The following GAGE10 variants were observed in gnomAD, a reference collection of about 807,000 sequenced individuals.
The protein encoded by GAGE10 is G antigen 10.
GAGE10 carries 9 observed loss-of-function variants against 11.5 expected under a neutral mutation model. The observed-to-expected ratio is 0.78, with a 90% CI of 0.47 to 1.37. GAGE10 has a LOEUF of 1.37. Ranked by LOEUF, GAGE10 falls within the 40% of genes most tolerant of loss-of-function variation. The pLI is 0.00. For missense variants in GAGE10, 83 were observed against 92.9 expected, an observed-to-expected ratio of 0.89 and a Z score of 0.44; for synonymous variants, 23 against 29.7, an observed-to-expected ratio of 0.77 and a Z score of 0.73.
rs138201153 is a variant in GAGE10 at position 49,311,951 on chromosome X, G to A, written c.203-5212G>A. On this transcript the variant is annotated intron_variant, in intron 3 of 4. Transcript: ENST00000407599. ...ACCTTAATGGAGCAAAGAGGACATCGTTGGCTGTCCAACTCTAGAATGCTA... is the reference window on the plus strand; with the variant it reads ...ACCTTAATGGAGCAAAGAGGACATCATTGGCTGTCCAACTCTAGAATGCTA... Among the ~76,000 whole-genome samples the A allele has an allele frequency of 4.9e-4, 55 of 112,625 alleles. 1 individual carries two copies. In the East Asian group the frequency reaches 0.012, roughly 24 times the overall value.
At chrX:49,310,132 C>T (rs2066371249) in intron 3 of GAGE10, among the ~76,000 whole-genome samples, 1 of 112,191 alleles carries the variant, frequency 8.9e-6, no homozygotes, top group Non-Finnish European at 1.9e-5. Context: ...AACCCCAAGG[C>T]TGCTGAAAAT....
chrX:49,316,588 C>G (rs5906780), intron 3 of GAGE10, among the ~76,000 whole-genome samples: 47,991 of 110,129 alleles, frequency 0.44, 8,990 homozygotes, highest in Non-Finnish European at 0.59. Context: ...ATTCCTTTTT[C>G]TGATCCGGAG....
intron 3 of GAGE10, among the ~76,000 whole-genome samples, chrX:49,307,093 T>G (rs1421064824): frequency 1.8e-5 from 2 of 112,062 alleles, no homozygotes; most frequent in Non-Finnish European, 1.9e-5. Context: ...TTTCAAGGCA[T>G]AACATTATGG....
At chrX:49,310,754 GC>G (rs782521648) in intron 3 of GAGE10, among the ~76,000 whole-genome samples, 62 of 107,471 alleles carry the variant, frequency 5.8e-4, no homozygotes, top group Admixed American at 3.2e-3. Flanking sequence ...CACCCGATTA[GC>G]CCCCCCCCAC....
intron 1 of GAGE10, among the ~76,000 whole-genome samples, 185 bp downstream of exon 1, chrX:49,303,938 C>T (rs1447108619): frequency 8.9e-6 from 1 of 111,760 alleles, no homozygotes; most frequent in Admixed American, 9.4e-5. Context: ...TTGAGGTCGT[C>T]CTCCTTCTCT....
At chrX:49,311,429 C>T (rs1430952028) in intron 3 of GAGE10, among the ~76,000 whole-genome samples, 5 of 111,503 alleles carry the variant, frequency 4.5e-5, no homozygotes, top group East Asian at 2.8e-4. Context: ...CCAAGGCCAG[C>T]GCAGGCTTGG....
intron 3 of GAGE10, among the ~76,000 whole-genome samples, chrX:49,306,731 G>T (rs782641433): frequency 3.5e-4 from 39 of 111,785 alleles, no homozygotes; most frequent in Non-Finnish European, 7.1e-4. Flanking sequence ...TGCTGTGCAC[G>T]CATAGTCCCA....
At chrX:49,317,705 C>A (rs185359648) in intron 4 of GAGE10, among the ~76,000 whole-genome samples, 92 of 111,552 alleles carry the variant, frequency 8.2e-4, no homozygotes, top group African/African-American at 2.9e-3. Context: ...TAAGAGAGTT[C>A]TTATATGAAG....
chrX:49,307,233 C>G (rs1172149055), intron 3 of GAGE10, among the ~76,000 whole-genome samples: 7 of 111,870 alleles, frequency 6.3e-5, no homozygotes, highest in Non-Finnish European at 9.4e-5. Context: ...CTCACACACA[C>G]ACACATACAG....
chrX:49,306,513 T>G (rs1217071369), intron 3 of GAGE10, among the ~76,000 whole-genome samples: 1 of 112,319 alleles, frequency 8.9e-6, no homozygotes, highest in Non-Finnish European at 1.9e-5. Flanking sequence ...TGTAAGATTT[T>G]CCATAGTCCT....
intron 3 of GAGE10, among the ~76,000 whole-genome samples, chrX:49,307,475 CT>C (rs60753797): frequency 1.6e-3 from 170 of 103,566 alleles, no homozygotes; most frequent in Middle Eastern, 9.9e-3. Flanking sequence ...TTCTTTTTTC[CT>C]TTTTTTTTTT....
At chrX:49,315,484 A>C (rs2066388690) in intron 3 of GAGE10, among the ~76,000 whole-genome samples, 2 of 111,890 alleles carry the variant, frequency 1.8e-5, no homozygotes, top group African/African-American at 6.5e-5. Context: ...ACTGCGTCAT[A>C]AGGTTGCAGG....
intron 3 of GAGE10, among the ~76,000 whole-genome samples, chrX:49,312,365 T>C (rs1557124810): frequency 2.7e-5 from 3 of 112,972 alleles, no homozygotes; most frequent in Admixed American, 9.3e-5. Context: ...ATTCAAGATA[T>C]GCTTTTGCAA....
At chrX:49,308,335 G>T (rs781942259) in intron 3 of GAGE10, among the ~76,000 whole-genome samples, 1 of 112,618 alleles carries the variant, frequency 8.9e-6, no homozygotes, top group South Asian at 3.7e-4. Context: ...TGGGACTAGA[G>T]CCCCACGGCC....
chrX:49,319,709 CG>C lies in GAGE10; in HGVS notation c.329-18del, dbSNP rs2066409368. 3 of 895,912 alleles carry C rather than the reference CG, an allele frequency of 3.3e-6. No individual in the cohort carries two copies. In the Admixed American group the frequency reaches 7.9e-5, roughly 24 times the overall value. 73.8% of individuals were successfully genotyped at this position (895,912 alleles called of 1,213,427 possible). A position where few individuals can be genotyped will look rare whatever the true frequency, so the allele number is the denominator to read the frequency against. ...TCTGTTGCTAAGTCATGTTCCCAAT[CG>C]TTGTGTTTCTGTTACAGGTGAAAAG... On this transcript the variant is annotated intron_variant, in intron 4 of 4. Transcript: ENST00000407599.
intron 1 of GAGE10, 84 bp from the exon 2 acceptor site, chrX:49,304,768 A>G (rs188905597): frequency 5.7e-6 from 6 of 1,058,332 alleles, no homozygotes; most frequent in Admixed American, 2.2e-5. Flanking sequence ...AATTAAAACG[A>G]CAAGTTAACA....
chrX:49,311,948 A>G (rs1472823531), intron 3 of GAGE10, among the ~76,000 whole-genome samples: 1 of 112,628 alleles, frequency 8.9e-6, no homozygotes, highest in Non-Finnish European at 1.9e-5. Flanking sequence ...CAAAGAGGAC[A>G]TCGTTGGCTG....
At chrX:49,318,903 T>A (rs2066404686) in intron 4 of GAGE10, among the ~76,000 whole-genome samples, 1 of 114,761 alleles carries the variant, frequency 8.7e-6, no homozygotes, top group African/African-American at 3.2e-5. Flanking sequence ...ACTCATCATT[T>A]TTTAGGGCTG....
At chrX:49,317,585 T>C (rs1358183989) in intron 4 of GAGE10, among the ~76,000 whole-genome samples, 2 of 111,554 alleles carry the variant, frequency 1.8e-5, no homozygotes, top group African/African-American at 6.5e-5. Context: ...TGACCTCAGG[T>C]GATCCACTTA....
Sources: allele counts gnomAD v4.1 joint callset (sites outside exome capture counted in the v4.1 genomes callset), GRCh38; gene constraint gnomAD v4.1.1; transcripts MANE v1.5; gene names NCBI Gene and HGNC (gene_info 2026-07-23, HGNC 2026-07-21).